Variants in CA10 observed in about 807,000 individuals in gnomAD.
CA10 encodes the protein carbonic anhydrase 10 (inactive).
Under a neutral mutation model 44.2 loss-of-function variants are expected in CA10, and 14 were observed. The ratio of observed to expected loss-of-function variants is 0.32; its 90% CI spans 0.21 to 0.50. CA10 has a LOEUF of 0.50. Ranked by LOEUF, CA10 falls within the 20% of genes least tolerant of loss-of-function variation. The pLI is 0.99. For synonymous variants in CA10, 159 were observed against 141.6 expected, an observed-to-expected ratio of 1.12 and a Z score of -0.87; for missense variants, 350 against 409.7, an observed-to-expected ratio of 0.85 and a Z score of 1.26.
intron 2 of CA10, among the ~76,000 whole-genome samples, chr17:51,963,735 T>C (rs1427267795): frequency 2.0e-5 from 3 of 152,182 alleles, no homozygotes; most frequent in Non-Finnish European, 4.4e-5. Context: ...TTGTTACTAT[T>C]AGAACCGGCT....
At chr17:51,934,085 T>C (rs955503740) in intron 2 of CA10, among the ~76,000 whole-genome samples, 1 of 152,124 alleles carries the variant, frequency 6.6e-6, no homozygotes, top group African/African-American at 2.4e-5. Flanking sequence ...GAAACCTCTC[T>C]CCTGCTCAGC....
intron 1 of CA10, among the ~76,000 whole-genome samples, chr17:52,118,544 G>C (rs945285237): frequency 2.0e-5 from 3 of 152,076 alleles, no homozygotes; most frequent in Non-Finnish European, 2.9e-5. Flanking sequence ...GGATGCTACA[G>C]ATGGCCCCTG....
intron 6 of CA10, among the ~76,000 whole-genome samples, chr17:51,645,589 T>C (rs1005154592): frequency 6.6e-6 from 1 of 152,210 alleles, no homozygotes; most frequent in South Asian, 2.1e-4. Context: ...AGCAAAAAGA[T>C]GCTTCTTCAA....
chr17:51,862,711 G>A (rs949298048), intron 3 of CA10, among the ~76,000 whole-genome samples: 2 of 151,966 alleles, frequency 1.3e-5, no homozygotes, highest in African/African-American at 4.8e-5. Flanking sequence ...TGCCATTGTG[G>A]TTGAGTTCTG....
chr17:51,846,732 A>G lies in CA10; in HGVS notation c.279+84258T>C, dbSNP rs114884132. Among the ~76,000 whole-genome samples the G allele has an allele frequency of 2.1e-3, 320 of 152,340 alleles. 1 individual carries two copies. The highest frequency in any genetic ancestry group is 7.3e-3 in the African/African-American group (304 of 41,586). On this transcript the variant is annotated intron_variant, in intron 3 of 8. Coordinates refer to ENST00000451037, the MANE Select transcript of CA10 (RefSeq NM_020178.5). ...ATGAGGCAGAATTTCAAGCCTTTTA[A>G]GCAAATCATGCAAGTCTAATGCTGT...
intron 2 of CA10, among the ~76,000 whole-genome samples, chr17:52,062,480 A>G (rs1365587451): frequency 6.6e-6 from 1 of 152,142 alleles, no homozygotes; most frequent in Non-Finnish European, 1.5e-5. Context: ...AATTGGAAAA[A>G]GGTTTTTCAG....
chr17:51,985,828 A>G (rs1202946092), intron 2 of CA10, among the ~76,000 whole-genome samples: 2 of 152,058 alleles, frequency 1.3e-5, no homozygotes, highest in African/African-American at 2.4e-5. Flanking sequence ...AAGGAAAACT[A>G]CAAAACACTG....
chr17:51,708,870 C>T (rs1378539280), intron 4 of CA10, among the ~76,000 whole-genome samples: 1 of 152,234 alleles, frequency 6.6e-6, no homozygotes, highest in Non-Finnish European at 1.5e-5. Flanking sequence ...CAGTGGTTTG[C>T]CAGGGGCCCT....
chr17:51,975,181 C>T (rs925883789), intron 2 of CA10, among the ~76,000 whole-genome samples: 1 of 150,828 alleles, frequency 6.6e-6, no homozygotes, highest in Non-Finnish European at 1.5e-5. Flanking sequence ...ATTCAGTTCA[C>T]CAAAAAGGAG....
At chr17:51,682,233 T>A (rs1364047581) in intron 4 of CA10, among the ~76,000 whole-genome samples, 1 of 152,180 alleles carries the variant, frequency 6.6e-6, no homozygotes, top group African/African-American at 2.4e-5. Context: ...ATCGGGTTTC[T>A]AAAAAACGTG....
chr17:52,000,348 GT>G (rs1373796568), intron 2 of CA10, among the ~76,000 whole-genome samples: 1 of 152,034 alleles, frequency 6.6e-6, no homozygotes, highest in Non-Finnish European at 1.5e-5. Context: ...TTAACACCTT[GT>G]TTCTTTCAAG....
chr17:51,731,201 A>G (rs547875663), intron 4 of CA10, among the ~76,000 whole-genome samples: 58 of 152,182 alleles, frequency 3.8e-4, no homozygotes, highest in South Asian at 1.5e-3. Context: ...ACATGGTGAA[A>G]CCCCATCTCT....
intron 3 of CA10, among the ~76,000 whole-genome samples, chr17:51,916,690 A>G (rs1982011680): frequency 6.6e-6 from 1 of 152,184 alleles, no homozygotes; most frequent in South Asian, 2.1e-4. Context: ...CTTTATCAGC[A>G]GTATGAAAGC....
intron 2 of CA10, among the ~76,000 whole-genome samples, chr17:52,002,001 C>T (rs1487277337): frequency 6.6e-6 from 1 of 151,818 alleles, no homozygotes; most frequent in Non-Finnish European, 1.5e-5. Flanking sequence ...GCAAGAAGCA[C>T]TTAAGACAGA....
intron 1 of CA10, among the ~76,000 whole-genome samples, chr17:52,126,625 C>T (rs1254749227): frequency 6.6e-6 from 1 of 152,016 alleles, no homozygotes; most frequent in Non-Finnish European, 1.5e-5. Flanking sequence ...CATTTTCATG[C>T]CCACTTTGAA....
intron 4 of CA10, among the ~76,000 whole-genome samples, chr17:51,740,483 G>A (rs756909419): frequency 5.3e-4 from 80 of 152,286 alleles, no homozygotes; most frequent in Non-Finnish European, 9.0e-4. Flanking sequence ...TTGCCTGGAT[G>A]GTCTTGGGCC....
chr17:52,101,120 G>C (rs1988528673), intron 1 of CA10, among the ~76,000 whole-genome samples: 1 of 152,130 alleles, frequency 6.6e-6, no homozygotes, highest in Admixed American at 6.6e-5. Context: ...ATTCCCTGCT[G>C]GCAGGATTTT....
intron 5 of CA10, 22 bp from the exon 6 acceptor site, chr17:51,649,276 T>A: frequency 6.5e-7 from 1 of 1,539,688 alleles, no homozygotes; most frequent in Non-Finnish European, 9.0e-7. Flanking sequence ...AAGAAAATAT[T>A]AATGACTGGG....
At chr17:51,744,509 C>G (rs1169995457) in intron 4 of CA10, among the ~76,000 whole-genome samples, 2 of 151,522 alleles carry the variant, frequency 1.3e-5, no homozygotes, top group South Asian at 4.2e-4. Flanking sequence ...TGTGGGGGGG[C>G]CAAGACAAAA....
Sources: allele counts gnomAD v4.1 joint callset (sites outside exome capture counted in the v4.1 genomes callset), GRCh38; gene constraint gnomAD v4.1.1; transcripts MANE v1.5; gene names NCBI Gene and HGNC (gene_info 2026-07-23, HGNC 2026-07-21).